The following CDH20 variants were observed in gnomAD, a reference collection of about 807,000 sequenced individuals.
The protein encoded by CDH20 is cadherin-20.
Under a neutral mutation model 74.2 loss-of-function variants are expected in CDH20, and 29 were observed. The ratio of observed to expected loss-of-function variants is 0.39; its 90% CI spans 0.29 to 0.53. The LOEUF is 0.53. Ranked by LOEUF, CDH20 falls within the 20% of genes least tolerant of loss-of-function variation. The probability of loss-of-function intolerance (pLI) is 0.69; values close to 1 mark genes in which losing one functional copy is unlikely to be tolerated. For missense variants in CDH20, 988 were observed against 1,048.3 expected (o/e 0.94, Z 0.79); for synonymous variants, 469 against 405.4 (o/e 1.16, Z -1.88).
intron 6 of CDH20, among the ~76,000 whole-genome samples, chr18:61,509,587 A>T (rs1004625682): frequency 2.6e-5 from 4 of 152,200 alleles, no homozygotes; most frequent in African/African-American, 9.6e-5. Context: ...ATTTAGGACC[A>T]TATAAGCTAA....
chr18:61,530,940 T>C (rs778475126), intron 7 of CDH20, among the ~76,000 whole-genome samples: 1 of 152,238 alleles, frequency 6.6e-6, no homozygotes, highest in African/African-American at 2.4e-5. Flanking sequence ...CACCAGCTAC[T>C]GCTGGCTCTG....
intron 1 of CDH20, among the ~76,000 whole-genome samples, chr18:61,424,001 T>C (rs1442542593): frequency 2.0e-5 from 3 of 152,186 alleles, no homozygotes; most frequent in Non-Finnish European, 4.4e-5. Flanking sequence ...CCTACGCTCA[T>C]CAAAAAAATG....
At chr18:61,537,629 C>T (rs1193368015) in intron 8 of CDH20, among the ~76,000 whole-genome samples, 1 of 152,084 alleles carries the variant, frequency 6.6e-6, no homozygotes, top group African/African-American at 2.4e-5. Flanking sequence ...CAATTTTAGA[C>T]ACCCATGTTG....
chr18:61,461,958 G>A (rs1000879449), intron 1 of CDH20, among the ~76,000 whole-genome samples: 7 of 152,230 alleles, frequency 4.6e-5, no homozygotes, highest in African/African-American at 1.7e-4. Context: ...CTATGCAAAC[G>A]AAGACTTGGC....
At chr18:61,496,360 T>G (rs1911161152) in intron 2 of CDH20, among the ~76,000 whole-genome samples, 1 of 144,364 alleles carries the variant, frequency 6.9e-6, no homozygotes, top group Non-Finnish European at 1.5e-5. Context: ...AGACCGGTGC[T>G]CCGAACCTCC....
intron 2 of CDH20, among the ~76,000 whole-genome samples, chr18:61,496,535 C>T (rs906845287): frequency 2.6e-5 from 4 of 152,076 alleles, no homozygotes; most frequent in Non-Finnish European, 4.4e-5. Flanking sequence ...CACACTCAAG[C>T]GTCAGCCCAG....
chr18:61,447,988 C>T (rs1909256517), intron 1 of CDH20, among the ~76,000 whole-genome samples: 1 of 152,190 alleles, frequency 6.6e-6, no homozygotes, highest in South Asian at 2.1e-4. Flanking sequence ...GGACTCAATG[C>T]TGGTTTTGAA....
chr18:61,344,108 G>A (rs1023814271), intron 1 of CDH20, among the ~76,000 whole-genome samples: 4 of 152,132 alleles, frequency 2.6e-5, no homozygotes, highest in Admixed American at 1.3e-4. Flanking sequence ...GTGTAATTTT[G>A]TTAAGAAAAG....
At chr18:61,420,490 C>T (rs1912838063) in intron 1 of CDH20, among the ~76,000 whole-genome samples, 1 of 152,006 alleles carries the variant, frequency 6.6e-6, no homozygotes, top group Non-Finnish European at 1.5e-5. Context: ...TTCAGCTCTA[C>T]TTCATGCGTG....
Position 61,390,180 on chromosome 18 carries a change from G to A in CDH20, c.-153+56353G>A, listed in dbSNP as rs117428449. On this transcript the variant is annotated intron_variant, in intron 1 of 11. Transcript: ENST00000262717. The stretch of plus-strand genomic sequence containing the variant: ...TCCTGCCCATTCACCATGTATCCCA[G>A]TACTCGAAACAGCACCCAGCATATG... Among the ~76,000 whole-genome samples the A allele has an allele frequency of 2.3e-4, 35 of 151,446 alleles. 1 individual carries two copies. In the East Asian group the frequency reaches 6.3e-3, roughly 27 times the overall value.
chr18:61,467,794 C>T (rs1910015977), intron 1 of CDH20, among the ~76,000 whole-genome samples: 1 of 152,182 alleles, frequency 6.6e-6, no homozygotes, highest in Admixed American at 6.5e-5. Flanking sequence ...AATATTAAAT[C>T]ATTTGCCAAA....
At chr18:61,441,040 A>G (rs753447856) in intron 1 of CDH20, among the ~76,000 whole-genome samples, 14 of 152,186 alleles carry the variant, frequency 9.2e-5, no homozygotes, top group Non-Finnish European at 1.5e-4. Context: ...TAAGAAGCCC[A>G]AACAGAATAT....
At chr18:61,436,175 C>T (rs1908829114) in intron 1 of CDH20, among the ~76,000 whole-genome samples, 1 of 152,126 alleles carries the variant, frequency 6.6e-6, no homozygotes, top group African/African-American at 2.4e-5. Context: ...CATCAGTTGA[C>T]AAATATTTGG....
intron 1 of CDH20, among the ~76,000 whole-genome samples, chr18:61,435,744 T>G (rs555820258): frequency 6.7e-6 from 1 of 150,212 alleles, no homozygotes; most frequent in Non-Finnish European, 1.5e-5. Flanking sequence ...ATAAAAAATA[T>G]ATTTATGTAT....
chr18:61,361,206 T>C (rs1329875636), intron 1 of CDH20, among the ~76,000 whole-genome samples: 1 of 152,200 alleles, frequency 6.6e-6, no homozygotes, highest in Non-Finnish European at 1.5e-5. Flanking sequence ...CGCTGCGTGG[T>C]GGTAACAGAG....
intron 1 of CDH20, among the ~76,000 whole-genome samples, chr18:61,347,439 G>T (rs1376564040): frequency 1.1e-4 from 16 of 150,054 alleles, no homozygotes; most frequent in Admixed American, 1.1e-3. Context: ...AGAATCACTT[G>T]AACTTGGGAG....
At chr18:61,377,268 T>G (rs977556051) in intron 1 of CDH20, among the ~76,000 whole-genome samples, 9 of 152,078 alleles carry the variant, frequency 5.9e-5, no homozygotes, top group Non-Finnish European at 1.2e-4. Context: ...CATGACCATA[T>G]TTAGCCACAA....
intron 1 of CDH20, among the ~76,000 whole-genome samples, chr18:61,481,282 G>C (rs1358903799): frequency 6.6e-6 from 1 of 152,132 alleles, no homozygotes; most frequent in Non-Finnish European, 1.5e-5. Context: ...AAACATGTAG[G>C]AAGTTAAAAA....
intron 1 of CDH20, among the ~76,000 whole-genome samples, chr18:61,372,599 C>A (rs1430146881): frequency 6.6e-6 from 1 of 152,056 alleles, no homozygotes; most frequent in East Asian, 1.9e-4. Flanking sequence ...AATGGATTTT[C>A]ATCTTTAAAT....
Sources: allele counts gnomAD v4.1 joint callset (sites outside exome capture counted in the v4.1 genomes callset), GRCh38; gene constraint gnomAD v4.1.1; transcripts MANE v1.5; gene names NCBI Gene and HGNC (gene_info 2026-07-23, HGNC 2026-07-21).